NELL1: variants seen among roughly 807,000 people sequenced by gnomAD.
NELL1 encodes protein kinase C-binding protein NELL1.
A neutral mutation model predicts 107.4 loss-of-function variants in NELL1; 76 were observed. The observed-to-expected ratio is 0.71, with a 90% CI of 0.59 to 0.86. The LOEUF (loss-of-function observed/expected upper bound fraction) is 0.86. Ranked by LOEUF, NELL1 falls within the 40% of genes least tolerant of loss-of-function variation. The pLI, the probability that NELL1 is intolerant of heterozygous loss-of-function variation, is 0.00. For synonymous variants in NELL1, 353 were observed against 341.2 expected (o/e 1.03, Z -0.38); for missense variants, 1,024 against 1,005.5 (o/e 1.02, Z -0.25).
chr11:21,229,885 G>A (rs1857997571), intron 14 of NELL1, among the ~76,000 whole-genome samples: 1 of 152,130 alleles, frequency 6.6e-6, no homozygotes, highest in African/African-American at 2.4e-5. Context: ...TATCAATTCA[G>A]AGGCCAGCGC....
intron 10 of NELL1, among the ~76,000 whole-genome samples, chr11:20,945,528 C>G (rs916666108): frequency 1.3e-5 from 2 of 152,146 alleles, no homozygotes; most frequent in African/African-American, 4.8e-5. Flanking sequence ...ATAGAGCTGA[C>G]AAAAGGATTC....
chr11:21,573,437 G>A, intron 19 of NELL1, 28 bp downstream of exon 19: 1 of 1,593,056 alleles, frequency 6.3e-7, no homozygotes. Flanking sequence ...GGATATTGAA[G>A]CCTTGAACAA....
chr11:21,235,978 CTT>C (rs1858195708), intron 14 of NELL1, among the ~76,000 whole-genome samples: 1 of 152,140 alleles, frequency 6.6e-6, no homozygotes, highest in African/African-American at 2.4e-5. Flanking sequence ...AACCTCATCT[CTT>C]ATGATATCAT....
intron 12 of NELL1, among the ~76,000 whole-genome samples, chr11:21,043,589 A>G (rs1853289642): frequency 6.6e-6 from 1 of 152,142 alleles, no homozygotes. Flanking sequence ...CAGAGATGTA[A>G]CATGTGATTT....
chr11:21,368,747 G>A (rs1169886613), intron 14 of NELL1, among the ~76,000 whole-genome samples: 2 of 152,080 alleles, frequency 1.3e-5, no homozygotes, highest in African/African-American at 2.4e-5. Context: ...TTGTATTCTA[G>A]TATCAGGTTT....
chr11:21,343,363 A>G (rs1056771528), intron 14 of NELL1, among the ~76,000 whole-genome samples: 6 of 152,080 alleles, frequency 3.9e-5, no homozygotes, highest in African/African-American at 1.4e-4. Context: ...TCTGCTTTGC[A>G]GCCTCCCTCT....
chr11:21,509,569 G>T (rs974189693), intron 15 of NELL1, among the ~76,000 whole-genome samples: 1 of 151,936 alleles, frequency 6.6e-6, no homozygotes, highest in Non-Finnish European at 1.5e-5. Context: ...AAATAAGAAA[G>T]TTACAAAGTT....
intron 2 of NELL1, among the ~76,000 whole-genome samples, chr11:20,756,604 G>C (rs898673594): frequency 1.2e-4 from 17 of 138,102 alleles, no homozygotes; most frequent in Middle Eastern, 4.1e-3. Context: ...CTCGTGATCC[G>C]CCCACCTTGG....
At chr11:21,302,626 A>C (rs1341973671) in intron 14 of NELL1, among the ~76,000 whole-genome samples, 7 of 152,020 alleles carry the variant, frequency 4.6e-5, no homozygotes, top group Non-Finnish European at 2.9e-5. Flanking sequence ...CTTTTGTAGA[A>C]TATCAGGGCC....
intron 3 of NELL1, among the ~76,000 whole-genome samples, chr11:20,812,108 A>G (rs555221972): frequency 7.2e-5 from 11 of 152,294 alleles, no homozygotes; most frequent in African/African-American, 2.6e-4. Flanking sequence ...TGAGGTATAT[A>G]CCTTCTATAC....
chr11:21,469,838 A>ATAAG (rs1854128579), intron 15 of NELL1, among the ~76,000 whole-genome samples: 1 of 152,062 alleles, frequency 6.6e-6, no homozygotes, highest in Admixed American at 6.6e-5. Flanking sequence ...TTGTACAAGT[A>ATAAG]TAAGTAGCAC....
intron 13 of NELL1, among the ~76,000 whole-genome samples, chr11:21,130,269 C>T (rs1855585080): frequency 6.6e-6 from 1 of 152,184 alleles, no homozygotes; most frequent in Admixed American, 6.5e-5. Flanking sequence ...ATGGGTTTTA[C>T]AGCCTCAGAG....
intron 14 of NELL1, among the ~76,000 whole-genome samples, chr11:21,314,595 A>G (rs1565163200): frequency 6.6e-6 from 1 of 152,202 alleles, no homozygotes; most frequent in Non-Finnish European, 1.5e-5. Flanking sequence ...AAACCTAGAC[A>G]TGGTCCCTGC....
chr11:20,769,003 G>C (rs1856589938), intron 2 of NELL1, among the ~76,000 whole-genome samples: 1 of 152,134 alleles, frequency 6.6e-6, no homozygotes, highest in Non-Finnish European at 1.5e-5. Flanking sequence ...GAGGTAATGT[G>C]ATTTAAGTTT....
At chr11:21,547,607 TA>T (rs1221979003) in intron 16 of NELL1, among the ~76,000 whole-genome samples, 4 of 152,086 alleles carry the variant, frequency 2.6e-5, no homozygotes, top group Non-Finnish European at 2.9e-5. Context: ...GTACTTCCCA[TA>T]AAATTTCAGA....
intron 12 of NELL1, among the ~76,000 whole-genome samples, chr11:21,004,605 A>G (rs868626732): frequency 6.6e-6 from 1 of 152,102 alleles, no homozygotes; most frequent in Non-Finnish European, 1.5e-5. Context: ...GGATAATTTT[A>G]TATGTCCATG....
intron 12 of NELL1, among the ~76,000 whole-genome samples, chr11:21,014,467 A>C (rs758977743): frequency 1.3e-5 from 2 of 152,150 alleles, no homozygotes; most frequent in Non-Finnish European, 1.5e-5. Context: ...TAATGCTGGC[A>C]TTCCTCAGAG....
At chr11:20,914,173 A>C (rs1203217756) in intron 5 of NELL1, among the ~76,000 whole-genome samples, 1 of 152,082 alleles carries the variant, frequency 6.6e-6, no homozygotes, top group Non-Finnish European at 1.5e-5. Context: ...AGTCTCAATC[A>C]ATTTAGAAAA....
intron 2 of NELL1, among the ~76,000 whole-genome samples, chr11:20,738,576 T>G (rs1380238701): frequency 1.3e-5 from 2 of 152,196 alleles, no homozygotes; most frequent in Non-Finnish European, 2.9e-5. Flanking sequence ...TTCTTTCTTT[T>G]CTTCATTCTT....
Sources: allele counts gnomAD v4.1 joint callset (sites outside exome capture counted in the v4.1 genomes callset), GRCh38; gene constraint gnomAD v4.1.1; transcripts MANE v1.5; gene names NCBI Gene and HGNC (gene_info 2026-07-23, HGNC 2026-07-21).